The following CSMD1 variants were observed in gnomAD, a reference collection of about 807,000 sequenced individuals.
CSMD1 encodes the protein CUB and Sushi multiple domains 1.
A neutral mutation model predicts 417.5 loss-of-function variants in CSMD1; 213 were observed. The ratio of observed to expected loss-of-function variants is 0.51; its 90% CI spans 0.46 to 0.57. The LOEUF is 0.57. Ranked by LOEUF, CSMD1 falls within the 20% of genes least tolerant of loss-of-function variation. The pLI is 0.00. For missense variants in CSMD1, 6,923 were observed against 4,529.7 expected, an observed-to-expected ratio of 1.53 and a Z score of -15.17; for synonymous variants, 2,862 against 1,736.8, an observed-to-expected ratio of 1.65 and a Z score of -16.11.
At chr8:3,362,297 T>A (rs1455356817) in intron 20 of CSMD1, among the ~76,000 whole-genome samples, 1 of 152,226 alleles carries the variant, frequency 6.6e-6, no homozygotes, top group Non-Finnish European at 1.5e-5. Flanking sequence ...CTTCCAAGAC[T>A]GTCTTCCTCT....
At chr8:4,150,392 A>C (rs1294636373) in intron 3 of CSMD1, among the ~76,000 whole-genome samples, 1 of 152,136 alleles carries the variant, frequency 6.6e-6, no homozygotes, top group Non-Finnish European at 1.5e-5. Flanking sequence ...CTACCTTTGG[A>C]AGTAATGTGG....
At chr8:4,940,975 A>G (rs1257472764) in intron 1 of CSMD1, among the ~76,000 whole-genome samples, 1 of 152,130 alleles carries the variant, frequency 6.6e-6, no homozygotes, top group Non-Finnish European at 1.5e-5. Flanking sequence ...TTTCAAATGT[A>G]TTTTTTCTTA....
At chr8:3,766,023 C>A (rs1798249943) in intron 5 of CSMD1, among the ~76,000 whole-genome samples, 1 of 152,152 alleles carries the variant, frequency 6.6e-6, no homozygotes, top group African/African-American at 2.4e-5. Context: ...GTGACAAAGC[C>A]CATCTTCTTA....
chr8:3,410,131 C>A (rs146701246), intron 12 of CSMD1, among the ~76,000 whole-genome samples: 7 of 152,198 alleles, frequency 4.6e-5, no homozygotes, highest in Admixed American at 4.6e-4. Flanking sequence ...TATTCAGAAT[C>A]AATCTTTCAT....
Position 3,805,240 on chromosome 8 carries a change from G to A in CSMD1, c.819-51198C>T, listed in dbSNP as rs75838321. On this transcript the variant is annotated intron_variant, in intron 5 of 69. Transcript: ENST00000635120. Reference sequence around the variant, plus strand: ...TTCCTGCGGGACACCAGCATCACAAGGGAACCAACCACCATTTCTCCTAGG... The same window carrying A: ...TTCCTGCGGGACACCAGCATCACAAAGGAACCAACCACCATTTCTCCTAGG... 2.6e-5 allele frequency among the ~76,000 whole-genome samples: 4 copies of A among 152,252 alleles called. No homozygotes were observed. In the East Asian group the frequency reaches 7.7e-4, roughly 29 times the overall value.
At chr8:4,516,576 G>T (rs559046857) in intron 2 of CSMD1, among the ~76,000 whole-genome samples, 15 of 152,224 alleles carry the variant, frequency 9.9e-5, no homozygotes, top group African/African-American at 3.4e-4. Context: ...TAAGCCTCTG[G>T]AAGAGCTTGT....
chr8:4,049,666 T>C (rs973095361), intron 3 of CSMD1, among the ~76,000 whole-genome samples: 3 of 152,130 alleles, frequency 2.0e-5, no homozygotes, highest in African/African-American at 7.2e-5. Context: ...TCGACAAGCA[T>C]AGGTATAGAT....
At chr8:3,402,050 A>G (rs1812071220) in intron 15 of CSMD1, among the ~76,000 whole-genome samples, 1 of 151,936 alleles carries the variant, frequency 6.6e-6, no homozygotes, top group African/African-American at 2.4e-5. Context: ...TCTTGATTAC[A>G]TATGTGTATT....
intron 7 of CSMD1, among the ~76,000 whole-genome samples, chr8:3,687,816 G>A (rs2624079): frequency 6.6e-6 from 1 of 152,184 alleles, no homozygotes; most frequent in Non-Finnish European, 1.5e-5. Context: ...TCTCTCTCGA[G>A]AAAGGTAGCA....
intron 1 of CSMD1, among the ~76,000 whole-genome samples, chr8:4,761,393 T>C (rs568279579): frequency 1.3e-5 from 2 of 152,224 alleles, no homozygotes; most frequent in South Asian, 2.1e-4. Context: ...TGTATATATA[T>C]ATATACACAC....
chr8:4,454,075 G>A (rs1799324543), intron 2 of CSMD1, among the ~76,000 whole-genome samples: 1 of 152,026 alleles, frequency 6.6e-6, no homozygotes. Flanking sequence ...GCCCGCCTCG[G>A]CCTCCCTAAG....
chr8:4,624,975 G>C (rs540855782), intron 2 of CSMD1, among the ~76,000 whole-genome samples: 24 of 152,260 alleles, frequency 1.6e-4, no homozygotes, highest in South Asian at 6.2e-4. Flanking sequence ...GAATGGATGA[G>C]TTTATCATCA....
intron 3 of CSMD1, among the ~76,000 whole-genome samples, chr8:4,259,200 C>A (rs1426170777): frequency 6.6e-6 from 1 of 152,184 alleles, no homozygotes; most frequent in African/African-American, 2.4e-5. Context: ...CACTTTCCAG[C>A]CCACAACGGC....
At chr8:3,736,268 G>T (rs933510897) in intron 6 of CSMD1, among the ~76,000 whole-genome samples, 7 of 151,862 alleles carry the variant, frequency 4.6e-5, no homozygotes, top group African/African-American at 1.7e-4. Context: ...TTTTGACAGG[G>T]TCTCACTGTG....
chr8:3,272,953 A>C (rs977628315), intron 26 of CSMD1, among the ~76,000 whole-genome samples: 1 of 150,032 alleles, frequency 6.7e-6, no homozygotes, highest in African/African-American at 2.5e-5. Context: ...CCCTGGCCAG[A>C]ACTTCCAACA....
chr8:3,786,478 G>C (rs1249854551), intron 5 of CSMD1, among the ~76,000 whole-genome samples: 2 of 152,150 alleles, frequency 1.3e-5, no homozygotes, highest in African/African-American at 2.4e-5. Context: ...AGGAGGAATG[G>C]TGACAGATAG....
intron 2 of CSMD1, among the ~76,000 whole-genome samples, chr8:4,616,097 C>G (rs757823030): frequency 2.6e-5 from 4 of 152,106 alleles, no homozygotes; most frequent in Non-Finnish European, 4.4e-5. Flanking sequence ...TGCCTAAGCC[C>G]AAACTATTTA....
chr8:3,564,485 G>C (rs1799609721), intron 10 of CSMD1, among the ~76,000 whole-genome samples: 1 of 149,514 alleles, frequency 6.7e-6, no homozygotes, highest in Admixed American at 6.7e-5. Flanking sequence ...TAAGGGATTA[G>C]TCTTCTTAGA....
chr8:4,365,256 T>G (rs1801997170), intron 3 of CSMD1, among the ~76,000 whole-genome samples: 1 of 152,230 alleles, frequency 6.6e-6, no homozygotes, highest in African/African-American at 2.4e-5. Flanking sequence ...GAATGTAATT[T>G]TACTTTCTTA....
Sources: allele counts gnomAD v4.1 joint callset (sites outside exome capture counted in the v4.1 genomes callset), GRCh38; gene constraint gnomAD v4.1.1; transcripts MANE v1.5; gene names NCBI Gene and HGNC (gene_info 2026-07-23, HGNC 2026-07-21).